The following HECA variants were observed in gnomAD, a reference collection of about 807,000 sequenced individuals.
HECA encodes the protein HECA ribonucleoprotein granule regulator, also known as headcase protein homolog.
HECA carries 13 observed loss-of-function variants against 37.6 expected under a neutral mutation model. The ratio of observed to expected loss-of-function variants is 0.35; its 90% CI spans 0.23 to 0.55. The LOEUF (loss-of-function observed/expected upper bound fraction) is 0.55. HECA is among the 20% of genes least tolerant of loss of function. The probability of loss-of-function intolerance (pLI) is 0.90; values close to 1 mark genes in which losing one functional copy is unlikely to be tolerated. For synonymous variants in HECA, 307 were observed against 291.5 expected, an observed-to-expected ratio of 1.05 and a Z score of -0.54; for missense variants, 527 against 701.9, an observed-to-expected ratio of 0.75 and a Z score of 2.82.
Position 139,135,570 on chromosome 6 carries a change from G to A in HECA, c.174G>A (p.Pro58=). 1 of 947,598 alleles carries A rather than the reference G, an allele frequency of 1.1e-6. No individual in the cohort carries two copies. Among genetic ancestry groups the A allele is most frequent in the Non-Finnish European group, 1.3e-6 (1 of 799,750 alleles). The allele number at this position is 947,598 out of a possible 1,614,324, so 58.7% of individuals were successfully genotyped here. The change falls in exon 1 of 4, where the codon CCG becomes CCA. Residue 58 remains proline (P), a synonymous_variant. Transcript: ENST00000367658. ...AGCGAAAAGA[P]GAGGAAGAGG... Reference sequence around the variant, plus strand: ...GCGGGGCGGCGGCGGCGGGCGCGCCGGGCGCCGGAGGCGCGGCGGGCGCCG... The same window carrying A: ...GCGGGGCGGCGGCGGCGGGCGCGCCAGGCGCCGGAGGCGCGGCGGGCGCCG...
chr6:139,164,303 C>T (rs1005300124), intron 1 of HECA, among the ~76,000 whole-genome samples: 8 of 151,906 alleles, frequency 5.3e-5, no homozygotes, highest in African/African-American at 1.9e-4. Flanking sequence ...TGACCAAGCC[C>T]AGTGGTTCCC....
chr6:139,166,392 C>A lies in HECA; in HGVS notation c.380C>A (p.Thr127Asn), dbSNP rs749341661. Residue 127 changes from threonine (T) to asparagine (N), a missense_variant, in exon 2 of 4, where the codon ACC (threonine) becomes AAC (asparagine). Coordinates refer to ENST00000367658, the MANE Select transcript of HECA (RefSeq NM_016217.3). ...AACAACGAGCACTGCCCCTGCAGCA[C>A]CTGGATGCACCTGCAGTGCTTCTAC... ...VCNNEHCPCS[T>N]WMHLQCFYEW... The A allele has an allele frequency of 6.2e-7, 1 of 1,614,232 alleles. No individual in the cohort carries two copies. Among genetic ancestry groups the A allele is most frequent in the Admixed American group, 1.7e-5 (1 of 60,030 alleles).
intron 1 of HECA, among the ~76,000 whole-genome samples, chr6:139,146,070 C>G (rs1401338303): frequency 6.6e-6 from 1 of 152,154 alleles, no homozygotes; most frequent in Non-Finnish European, 1.5e-5. Context: ...CCCTCCCCTA[C>G]CAAGAACAAT....
chr6:139,143,467 C>T (rs548583148), intron 1 of HECA, among the ~76,000 whole-genome samples: 1 of 152,336 alleles, frequency 6.6e-6, no homozygotes, highest in South Asian at 2.1e-4. Flanking sequence ...CTTCCCCCAT[C>T]TTCTCTTTCT....
chr6:139,167,835 G>A (rs959523695), intron 2 of HECA, among the ~76,000 whole-genome samples: 6 of 152,108 alleles, frequency 3.9e-5, no homozygotes, highest in Non-Finnish European at 5.9e-5. Context: ...ACATTAGCCC[G>A]GTGGTGGTGG....
At chr6:139,138,572 A>G (rs1258835408) in intron 1 of HECA, among the ~76,000 whole-genome samples, 1 of 152,230 alleles carries the variant, frequency 6.6e-6, no homozygotes, top group Non-Finnish European at 1.5e-5. Context: ...TGCGGCCACC[A>G]GAGCAGGGCA....
intron 1 of HECA, among the ~76,000 whole-genome samples, chr6:139,145,066 G>C (rs568885271): frequency 3.3e-5 from 5 of 152,120 alleles, no homozygotes; most frequent in Non-Finnish European, 5.9e-5. Flanking sequence ...GTGCCAAGTT[G>C]TACTAATTAT....
chr6:139,163,701 C>T (rs1161747833), intron 1 of HECA, among the ~76,000 whole-genome samples: 2 of 152,138 alleles, frequency 1.3e-5, no homozygotes, highest in South Asian at 2.1e-4. Context: ...TCAGTAAATT[C>T]TGAGTTCATT....
chr6:139,153,680 AAGT>A (rs1055243505), intron 1 of HECA, among the ~76,000 whole-genome samples: 1 of 152,074 alleles, frequency 6.6e-6, no homozygotes, highest in Non-Finnish European at 1.5e-5. Flanking sequence ...CAGCCTCCCA[AAGT>A]GCTGGGATTA....
chr6:139,142,671 G>A (rs1427897416), intron 1 of HECA, among the ~76,000 whole-genome samples: 1 of 152,182 alleles, frequency 6.6e-6, no homozygotes, highest in African/African-American at 2.4e-5. Flanking sequence ...TGGTGGCCAG[G>A]CAATGGTGGC....
intron 1 of HECA, among the ~76,000 whole-genome samples, chr6:139,136,267 T>TA (rs71674341): frequency 0.11 from 14,274 of 131,914 alleles, 943 homozygotes; most frequent in East Asian, 0.16. Context: ...AGCCCGGAGT[T>TA]AAAAAAAAAA....
chr6:139,166,042 C>T (rs1582945888), intron 1 of HECA: 1 of 430,570 alleles, frequency 2.3e-6, no homozygotes, highest in East Asian at 3.7e-5. Context: ...TCAGGACAAC[C>T]TAAAGCTCAG....
intron 1 of HECA, among the ~76,000 whole-genome samples, chr6:139,143,514 C>G (rs919678638): frequency 6.6e-6 from 1 of 152,130 alleles, no homozygotes; most frequent in Non-Finnish European, 1.5e-5. Context: ...GATGATTTAG[C>G]TAAAAATAAG....
At chr6:139,159,431 A>G (rs951522819) in intron 1 of HECA, among the ~76,000 whole-genome samples, 1 of 152,138 alleles carries the variant, frequency 6.6e-6, no homozygotes, top group African/African-American at 2.4e-5. Context: ...TGGAACCGGG[A>G]CTTACACATA....
At chr6:139,157,712 A>G (rs891944869) in intron 1 of HECA, among the ~76,000 whole-genome samples, 4 of 152,188 alleles carry the variant, frequency 2.6e-5, no homozygotes, top group Non-Finnish European at 5.9e-5. Context: ...AGAGTAATAT[A>G]GAGGGCTGTA....
At chr6:139,160,348 A>G (rs1774782017) in intron 1 of HECA, among the ~76,000 whole-genome samples, 1 of 152,238 alleles carries the variant, frequency 6.6e-6, no homozygotes, top group Non-Finnish European at 1.5e-5. Context: ...AGTTGGTGGC[A>G]CAAGTGTATG....
At chr6:139,164,251 C>G (rs890599362) in intron 1 of HECA, among the ~76,000 whole-genome samples, 1 of 152,128 alleles carries the variant, frequency 6.6e-6, no homozygotes, top group African/African-American at 2.4e-5. Flanking sequence ...GGGAGTCTGC[C>G]TTTAGCTTCT....
intron 2 of HECA, among the ~76,000 whole-genome samples, chr6:139,172,115 G>T (rs764604598): frequency 6.6e-6 from 1 of 152,140 alleles, no homozygotes; most frequent in African/African-American, 2.4e-5. Context: ...ATAGGCGTGA[G>T]CCACTGCGCC....
rs549824435 is a variant in HECA, at chr6:139,179,983, C to T, written c.*2878C>T. ...ACAATGATCTGCTTTAGTGAGAGGA[C>T]AATTTCTGATTGATTGTTTTCTCTT... On this transcript the variant is annotated 3_prime_UTR_variant, in exon 4 of 4. Coordinates refer to ENST00000367658, the MANE Select transcript of HECA (RefSeq NM_016217.3). The T allele has an allele frequency of 2.0e-5, 3 of 152,210 alleles. No homozygotes were observed. The highest frequency in any genetic ancestry group is 4.1e-4 in the South Asian group (2 of 4,830). 9.4% of individuals were successfully genotyped at this position (152,210 alleles called of 1,614,324 possible).
Sources: allele counts gnomAD v4.1 joint callset (sites outside exome capture counted in the v4.1 genomes callset), GRCh38; gene constraint gnomAD v4.1.1; transcripts MANE v1.5; gene names NCBI Gene and HGNC (gene_info 2026-07-23, HGNC 2026-07-21).